Variants in TMPRSS11D observed in about 807,000 individuals in gnomAD.
TMPRSS11D encodes transmembrane protease serine 11D.
Under a neutral mutation model 44.4 loss-of-function variants are expected in TMPRSS11D, and 32 were observed. The observed-to-expected ratio is 0.72, with a 90% CI of 0.54 to 0.97. The LOEUF (loss-of-function observed/expected upper bound fraction) is 0.97. Among genes scored for constraint, TMPRSS11D ranks in the 50% least tolerant of loss-of-function variants. The pLI is 0.00. For synonymous variants in TMPRSS11D, 179 were observed against 177.9 expected (o/e 1.01, Z -0.05); for missense variants, 446 against 502.6 (o/e 0.89, Z 1.08).
intron 3 of TMPRSS11D, 45 bp downstream of exon 3, chr4:67,854,023 T>C (rs200974270): frequency 1.7e-6 from 2 of 1,143,258 alleles, no homozygotes; most frequent in South Asian, 2.9e-5. Flanking sequence ...TATTATCATA[T>C]TCATTTTATA....
At position 67,852,096 on chromosome 4, in the gene TMPRSS11D, G is replaced by A. The variant is rs1010370589; in HGVS notation, c.249+1972C>T. ...AGCACTGTAGTTTGACTATGCCTCT[G>A]CCCAATGCTGCTTCCTTCTCTTCCT... is the stretch of plus-strand genomic sequence containing the variant. On this transcript the variant is annotated intron_variant, in intron 3 of 9. Transcript: ENST00000283916. 5.9e-5 allele frequency among the ~76,000 whole-genome samples: 9 copies of A among 152,292 alleles called. No homozygotes were observed. The East Asian group carries it at 1.7e-3, about 29-fold the overall frequency.
chr4:67,854,287 A>T lies in TMPRSS11D; in HGVS notation c.131-101T>A, dbSNP rs1006087150. On this transcript the variant is annotated intron_variant, in intron 2 of 9. Coordinates refer to ENST00000283916, the MANE Select transcript of TMPRSS11D (RefSeq NM_004262.3). ...GAGGTTATATTATAGAATTTCAAAA[A>T]TTTGCTTTCCTTGAAAGAAAAAGTT... 7.0e-5 allele frequency: 42 copies of T among 597,634 alleles called. No individual in the cohort carries two copies. The South Asian group carries it at 9.5e-4, about 13-fold the overall frequency. 37.0% of individuals were successfully genotyped at this position (597,634 alleles called of 1,614,324 possible).
intron 2 of TMPRSS11D, among the ~76,000 whole-genome samples, chr4:67,857,841 A>G (rs574971650): frequency 2.6e-5 from 4 of 152,200 alleles, no homozygotes; most frequent in Admixed American, 1.3e-4. Context: ...TATGTATTTC[A>G]AAGTAGCTAG....
Position 67,842,546 on chromosome 4 carries a change from A to G in TMPRSS11D, c.317+12T>C. 6.2e-7 allele frequency: 1 copy of G among 1,610,490 alleles called. No individual in the cohort carries two copies. Among genetic ancestry groups the G allele is most frequent in the Non-Finnish European group, 8.5e-7 (1 of 1,178,156 alleles). The stretch of plus-strand genomic sequence containing the variant: ...ATCTATACTTAAATATTTTTTCTAC[A>G]GTTCCACTCACCTCAGTTTGGCAAC... On this transcript the variant is annotated intron_variant, in intron 4 of 9. Transcript: ENST00000283916.
At chr4:67,833,532 T>G in intron 6 of TMPRSS11D, 151 bp from the exon 7 acceptor site, 1 of 620,714 alleles carries the variant, frequency 1.6e-6, no homozygotes, top group Non-Finnish European at 2.4e-6. Context: ...GATCGATATA[T>G]TTCTACAATG....
At chr4:67,854,261 G>A (rs1718580800) in intron 2 of TMPRSS11D, 75 bp from the exon 3 acceptor site, 1 of 763,012 alleles carries the variant, frequency 1.3e-6, no homozygotes, top group Non-Finnish European at 2.1e-6. Context: ...CAGGATTATG[G>A]GAGGTTATAT....
chr4:67,822,242 A>AT lies in TMPRSS11D; in HGVS notation c.*94dup. On this transcript the variant is annotated 3_prime_UTR_variant, in exon 10 of 10. Coordinates refer to ENST00000283916, the MANE Select transcript of TMPRSS11D (RefSeq NM_004262.3). ...ATGTAACAAGATGTTAAATTAGGAC[A>AT]TTTCTAGTTTCTTTTTCAGTTGAAA... 1 of 1,345,840 alleles carries AT rather than the reference A, an allele frequency of 7.4e-7. No homozygotes were observed. The highest frequency in any genetic ancestry group is 1.0e-6 in the Non-Finnish European group (1 of 968,756). The allele number at this position is 1,345,840 out of a possible 1,614,324, so 83.4% of individuals were successfully genotyped here.
chr4:67,867,448 AG>A (rs1718953434), intron 1 of TMPRSS11D, among the ~76,000 whole-genome samples: 1 of 152,172 alleles, frequency 6.6e-6, no homozygotes. Context: ...AGTCCTCAAA[AG>A]CAAATGCAAC....
intron 1 of TMPRSS11D, among the ~76,000 whole-genome samples, chr4:67,870,813 CAAAAAAA>C (rs11318143): frequency 1.5e-5 from 2 of 133,954 alleles, no homozygotes; most frequent in Admixed American, 7.5e-5. Context: ...GACCCTGTCT[CAAAAAAA>C]AAAAAAAAAA....
chr4:67,839,136 C>T (rs1386877851), intron 4 of TMPRSS11D: 1 of 152,028 alleles, frequency 6.6e-6, no homozygotes, highest in Non-Finnish European at 1.5e-5. Context: ...CCTCAATGAC[C>T]AGCTCTAACT....
intron 9 of TMPRSS11D, among the ~76,000 whole-genome samples, chr4:67,825,367 G>T (rs1385633203): frequency 6.6e-6 from 1 of 151,936 alleles, no homozygotes; most frequent in Non-Finnish European, 1.5e-5. Context: ...TTTACCATGT[G>T]CCTGATATAT....
intron 1 of TMPRSS11D, among the ~76,000 whole-genome samples, chr4:67,862,629 C>A (rs1012533484): frequency 2.0e-5 from 3 of 151,938 alleles, no homozygotes; most frequent in African/African-American, 4.8e-5. Flanking sequence ...AAGTTCAAAA[C>A]CACAATAGCG....
chr4:67,868,205 C>G (rs375491997), intron 1 of TMPRSS11D, among the ~76,000 whole-genome samples: 190 of 151,868 alleles, frequency 1.3e-3, no homozygotes, highest in African/African-American at 4.4e-3. Flanking sequence ...AACTCAGAAA[C>G]AAAAAGTCAA....
intron 1 of TMPRSS11D, among the ~76,000 whole-genome samples, chr4:67,879,306 C>T (rs187821861): frequency 0.01 from 1,568 of 151,504 alleles, 28 homozygotes; most frequent in African/African-American, 0.035. Context: ...ACAGTGAAAC[C>T]CCATCTCTAC....
intron 6 of TMPRSS11D, 185 bp from the exon 7 acceptor site, chr4:67,833,566 A>AGAT: frequency 2.1e-6 from 1 of 466,758 alleles, no homozygotes; most frequent in Non-Finnish European, 3.5e-6. Flanking sequence ...TGTTGCTTAT[A>AGAT]GATAGCATTT....
At chr4:67,833,537 A>G (rs1333136309) in intron 6 of TMPRSS11D, 156 bp from the exon 7 acceptor site, 3 of 602,610 alleles carry the variant, frequency 5.0e-6, no homozygotes, top group African/African-American at 3.8e-5. Context: ...ATATATTTCT[A>G]CAATGCATTT....
chr4:67,837,661 G>A (rs558138940), intron 5 of TMPRSS11D, among the ~76,000 whole-genome samples: 6 of 152,208 alleles, frequency 3.9e-5, no homozygotes, highest in African/African-American at 1.4e-4. Flanking sequence ...TTATATGATG[G>A]AGACTGGGTG....
chr4:67,861,893 T>C (rs1718798271), intron 1 of TMPRSS11D, among the ~76,000 whole-genome samples: 3 of 152,138 alleles, frequency 2.0e-5, no homozygotes, highest in Admixed American at 1.3e-4. Context: ...CAACTTCTAG[T>C]TGAACCTCTG....
Position 67,861,190 on chromosome 4 carries a change from C to T in TMPRSS11D, c.9-1512G>A, listed in dbSNP as rs1718784788. ...TGTCTTATTTGTTCATTTTGCTACA[C>T]TAGTGAAAACTGGCTTTCCCTGACA... On this transcript the variant is annotated intron_variant, in intron 1 of 9. Transcript: ENST00000283916. 2.6e-5 allele frequency among the ~76,000 whole-genome samples: 4 copies of T among 152,214 alleles called. No individual in the cohort carries two copies. The South Asian group carries it at 8.3e-4, about 32-fold the overall frequency.
Sources: gnomAD v4.1 joint callset for allele counts (sites outside exome capture counted in the v4.1 genomes callset) on GRCh38, gnomAD v4.1.1 for gene constraint, MANE v1.5 for transcripts, NCBI Gene and HGNC (gene_info 2026-07-23, HGNC 2026-07-21) for gene names.